CADPS: variants seen among roughly 807,000 people sequenced by gnomAD.
CADPS encodes calcium dependent secretion activator, also known as calcium-dependent secretion activator 1.
In CADPS, 57 loss-of-function variants were observed where a neutral mutation model predicts 167.3. That is an observed-to-expected ratio of 0.34 (90% CI 0.28 to 0.42). The LOEUF (loss-of-function observed/expected upper bound fraction) is 0.42. CADPS is among the 20% of genes least tolerant of loss of function. The probability of loss-of-function intolerance (pLI) is 1.00; values close to 1 mark genes in which losing one functional copy is unlikely to be tolerated. For synonymous variants in CADPS, 676 were observed against 635.3 expected, an observed-to-expected ratio of 1.06 and a Z score of -0.96; for missense variants, 1,414 against 1,738.1, an observed-to-expected ratio of 0.81 and a Z score of 3.32.
At chr3:62,565,310 A>G (rs1162598733) in intron 9 of CADPS, among the ~76,000 whole-genome samples, 1 of 152,180 alleles carries the variant, frequency 6.6e-6, no homozygotes, top group South Asian at 2.1e-4. Flanking sequence ...TTATTGTGCC[A>G]TTTGAATATA....
intron 8 of CADPS, among the ~76,000 whole-genome samples, chr3:62,580,086 G>A (rs2083106566): frequency 6.6e-6 from 1 of 152,166 alleles, no homozygotes; most frequent in Non-Finnish European, 1.5e-5. Flanking sequence ...GAGGCTAAGA[G>A]TTCGAGACCA....
intron 27 of CADPS, chr3:62,440,637 T>C (rs1200217332): frequency 6.6e-6 from 1 of 151,960 alleles, no homozygotes. Flanking sequence ...ACATGTGTAG[T>C]TTTCTCATAA....
At chr3:62,698,523 C>T (rs1415115154) in intron 3 of CADPS, among the ~76,000 whole-genome samples, 1 of 152,034 alleles carries the variant, frequency 6.6e-6, no homozygotes, top group Non-Finnish European at 1.5e-5. Context: ...TCCAGGCACA[C>T]CAATGTGGGT....
At chr3:62,739,116 T>C (rs769833830) in intron 3 of CADPS, among the ~76,000 whole-genome samples, 1 of 152,222 alleles carries the variant, frequency 6.6e-6, no homozygotes, top group African/African-American at 2.4e-5. Flanking sequence ...CCTTTGCCAA[T>C]AGAATACAGT....
chr3:62,516,764 G>T, intron 14 of CADPS, 121 bp from the exon 15 acceptor site: 2 of 666,958 alleles, frequency 3.0e-6, no homozygotes, highest in African/African-American at 1.8e-5. Flanking sequence ...ATTTTGTCAC[G>T]TTGTGTTATG....
intron 1 of CADPS, among the ~76,000 whole-genome samples, chr3:62,795,618 A>G (rs1202318284): frequency 1.3e-5 from 2 of 148,860 alleles, no homozygotes; most frequent in Non-Finnish European, 2.9e-5. Context: ...CATTCACTCA[A>G]TAAATATTCA....
At chr3:62,485,320 T>C (rs923593024) in intron 21 of CADPS, among the ~76,000 whole-genome samples, 1 of 152,182 alleles carries the variant, frequency 6.6e-6, no homozygotes, top group African/African-American at 2.4e-5. Flanking sequence ...TAATCCATGC[T>C]GGCGAAAACT....
At chr3:62,725,770 G>A (rs1368181287) in intron 3 of CADPS, among the ~76,000 whole-genome samples, 1 of 151,858 alleles carries the variant, frequency 6.6e-6, no homozygotes, top group Non-Finnish European at 1.5e-5. Flanking sequence ...CTAAATCAAT[G>A]TTTTAGAGGA....
chr3:62,489,896 A>T (rs2063423530), intron 21 of CADPS, among the ~76,000 whole-genome samples: 1 of 152,204 alleles, frequency 6.6e-6, no homozygotes, highest in South Asian at 2.1e-4. Flanking sequence ...TTCTACCCTC[A>T]TGAGTGAAAA....
In CADPS at chr3:62,476,874, C is replaced by T. The variant is rs576776473; in HGVS notation, c.3329+1387G>A. Reference sequence around the variant, plus strand: ...TGGTTTGGCCATTGGAAAAGCATTGCTTTTCCTAAAATTGATATAGACTAT... The same window carrying T: ...TGGTTTGGCCATTGGAAAAGCATTGTTTTTCCTAAAATTGATATAGACTAT... On this transcript the variant is annotated intron_variant, in intron 23 of 29. Coordinates refer to ENST00000383710, the MANE Select transcript of CADPS (RefSeq NM_003716.4). Among the ~76,000 whole-genome samples, 6 of 152,206 alleles carry T rather than the reference C, an allele frequency of 3.9e-5. No individual in the cohort carries two copies. The South Asian group carries it at 1.2e-3, about 32-fold the overall frequency.
chr3:62,794,283 A>G (rs985573427), intron 1 of CADPS, among the ~76,000 whole-genome samples: 6 of 152,154 alleles, frequency 3.9e-5, no homozygotes, highest in Admixed American at 1.3e-4. Context: ...TTGTTATAAT[A>G]ATTAAGTAAG....
intron 6 of CADPS, among the ~76,000 whole-genome samples, chr3:62,634,095 T>C (rs10510879): frequency 0.074 from 11,276 of 152,220 alleles, 496 homozygotes; most frequent in African/African-American, 0.13. Flanking sequence ...TTAAGCTTTT[T>C]CTCCTTCCGG....
intron 1 of CADPS, among the ~76,000 whole-genome samples, chr3:62,776,439 G>C (rs1375902016): frequency 1.3e-5 from 2 of 152,178 alleles, no homozygotes; most frequent in Non-Finnish European, 2.9e-5. Context: ...CGGATCACGA[G>C]GTCAGGAGAT....
chr3:62,770,699 T>A (rs536730763), intron 1 of CADPS, among the ~76,000 whole-genome samples: 27 of 152,208 alleles, frequency 1.8e-4, no homozygotes, highest in Non-Finnish European at 3.1e-4. Context: ...GTGCTGGGAT[T>A]ATAAGCGTGA....
chr3:62,755,824 A>ATTCAT (rs1375637715), intron 2 of CADPS, among the ~76,000 whole-genome samples: 1 of 152,148 alleles, frequency 6.6e-6, no homozygotes, highest in African/African-American at 2.4e-5. Context: ...GAGCTAAATA[A>ATTCAT]TTCATCTGCA....
At chr3:62,622,275 C>T (rs1472273742) in intron 6 of CADPS, among the ~76,000 whole-genome samples, 1 of 152,126 alleles carries the variant, frequency 6.6e-6, no homozygotes, top group Non-Finnish European at 1.5e-5. Context: ...ATACTTCTCG[C>T]TCTCAACCAC....
intron 1 of CADPS, among the ~76,000 whole-genome samples, chr3:62,815,787 C>A (rs1349693586): frequency 6.6e-6 from 1 of 152,090 alleles, no homozygotes; most frequent in Non-Finnish European, 1.5e-5. Context: ...CTCTCACTCT[C>A]CCTTCTCTTT....
rs574844746 is a variant in CADPS, at chr3:62,519,110, G to C, written c.2292-860C>G. Among the ~76,000 whole-genome samples, 80 of 152,240 alleles carry C rather than the reference G, an allele frequency of 5.3e-4. No homozygotes were observed. In the South Asian group the frequency reaches 9.5e-3, roughly 18 times the overall value. On this transcript the variant is annotated intron_variant, in intron 13 of 29. Coordinates refer to ENST00000383710, the MANE Select transcript of CADPS (RefSeq NM_003716.4). ...ACATATTTATAGCCCAAATTTATCT[G>C]TTCCAAACTAAATGCAGGATAATCT...
At chr3:62,809,224 ATATAT>A (rs1224536213) in intron 1 of CADPS, among the ~76,000 whole-genome samples, 2 of 152,268 alleles carry the variant, frequency 1.3e-5, no homozygotes, top group East Asian at 3.9e-4. Context: ...TTAAAAAAAA[ATATAT>A]TGAATCACGT....
Sources: allele counts gnomAD v4.1 joint callset (sites outside exome capture counted in the v4.1 genomes callset), GRCh38; gene constraint gnomAD v4.1.1; transcripts MANE v1.5; gene names NCBI Gene and HGNC (gene_info 2026-07-23, HGNC 2026-07-21).